FRMD4A: variants seen among roughly 807,000 people sequenced by gnomAD.
FRMD4A encodes FERM domain-containing protein 4A.
Under a neutral mutation model 129.1 loss-of-function variants are expected in FRMD4A, and 29 were observed. That is an observed-to-expected ratio of 0.22 (90% CI 0.17 to 0.31). The LOEUF (loss-of-function observed/expected upper bound fraction) is 0.31. Ranked by LOEUF, FRMD4A falls within the 10% of genes least tolerant of loss-of-function variation. The pLI is 1.00. For synonymous variants in FRMD4A, 634 were observed against 571.6 expected (o/e 1.11, Z -1.56); for missense variants, 1,272 against 1,375.8 (o/e 0.92, Z 1.19).
At chr10:14,314,841 C>G (rs999104539) in intron 2 of FRMD4A, among the ~76,000 whole-genome samples, 42 of 152,088 alleles carry the variant, frequency 2.8e-4, no homozygotes, top group Non-Finnish European at 8.8e-5. Flanking sequence ...ACTCATTCAC[C>G]TCCTATCTCC....
chr10:14,117,833 T>A (rs1424434653), intron 2 of FRMD4A, among the ~76,000 whole-genome samples: 1 of 152,124 alleles, frequency 6.6e-6, no homozygotes, highest in African/African-American at 2.4e-5. Flanking sequence ...TCCTTGTGAG[T>A]GTAGGTCCTC....
At chr10:14,138,745 C>G (rs1381552600) in intron 2 of FRMD4A, among the ~76,000 whole-genome samples, 2 of 151,154 alleles carry the variant, frequency 1.3e-5, no homozygotes, top group Non-Finnish European at 2.9e-5. Context: ...GGGCGACAGA[C>G]AGACTCCATC....
intron 12 of FRMD4A, chr10:13,710,271 C>T (rs944887279): frequency 6.6e-5 from 10 of 152,286 alleles, no homozygotes; most frequent in African/African-American, 2.4e-4. Context: ...GATGAAGAAC[C>T]CCAGAGCAGA....
intron 2 of FRMD4A, among the ~76,000 whole-genome samples, chr10:14,190,249 A>G (rs1162740574): frequency 6.6e-6 from 1 of 152,212 alleles, no homozygotes; most frequent in Non-Finnish European, 1.5e-5. Flanking sequence ...TTCACAGCAA[A>G]TGACCACCCC....
At chr10:13,914,707 A>C (rs1054804355) in intron 2 of FRMD4A, among the ~76,000 whole-genome samples, 2 of 152,218 alleles carry the variant, frequency 1.3e-5, no homozygotes, top group Non-Finnish European at 2.9e-5. Flanking sequence ...CAGCATTAAA[A>C]AAACAAAACC....
At chr10:13,679,884 A>G (rs974938967) in intron 15 of FRMD4A, among the ~76,000 whole-genome samples, 1 of 152,070 alleles carries the variant, frequency 6.6e-6, no homozygotes, top group Non-Finnish European at 1.5e-5. Flanking sequence ...CACACCAGCA[A>G]CATTCCACAG....
chr10:14,084,820 G>C (rs1015445221), intron 2 of FRMD4A, among the ~76,000 whole-genome samples: 1 of 152,120 alleles, frequency 6.6e-6, no homozygotes, highest in African/African-American at 2.4e-5. Context: ...ACCCTGCCTC[G>C]ACTGCTCCTT....
intron 2 of FRMD4A, among the ~76,000 whole-genome samples, chr10:14,053,042 C>A (rs1160691305): frequency 6.6e-6 from 1 of 152,158 alleles, no homozygotes; most frequent in East Asian, 1.9e-4. Flanking sequence ...TTGAAGGGAA[C>A]AAACATCCAA....
intron 2 of FRMD4A, among the ~76,000 whole-genome samples, chr10:13,961,877 T>C (rs1270742709): frequency 1.3e-5 from 2 of 152,198 alleles, no homozygotes; most frequent in African/African-American, 4.8e-5. Flanking sequence ...GCTCAATGTC[T>C]AGCACATAGA....
At chr10:13,748,176 C>A (rs1423533640) in intron 8 of FRMD4A, among the ~76,000 whole-genome samples, 1 of 152,080 alleles carries the variant, frequency 6.6e-6, no homozygotes, top group Non-Finnish European at 1.5e-5. Flanking sequence ...TCCCCCAGGG[C>A]AGGATCTTAG....
At chr10:14,160,058 AT>A (rs1840803865) in intron 2 of FRMD4A, among the ~76,000 whole-genome samples, 4 of 152,230 alleles carry the variant, frequency 2.6e-5, no homozygotes, top group Admixed American at 6.5e-5. Flanking sequence ...TCCAAAAAAA[AT>A]ATGTACCAAA....
At chr10:14,021,395 AAT>A (rs1436704281) in intron 2 of FRMD4A, among the ~76,000 whole-genome samples, 10 of 151,140 alleles carry the variant, frequency 6.6e-5, no homozygotes, top group African/African-American at 2.2e-4. Flanking sequence ...AAAAAAAAAA[AAT>A]AATAAAAAAA....
intron 2 of FRMD4A, among the ~76,000 whole-genome samples, chr10:13,864,577 C>CTTTT (rs60899227): frequency 8.8e-5 from 12 of 136,984 alleles, no homozygotes; most frequent in Non-Finnish European, 1.4e-4. Context: ...TTCTTTCTTT[C>CTTTT]TTTTTTTTTT....
At chr10:14,238,544 C>G (rs1843915344) in intron 2 of FRMD4A, among the ~76,000 whole-genome samples, 1 of 151,946 alleles carries the variant, frequency 6.6e-6, no homozygotes, top group Admixed American at 6.6e-5. Context: ...ACTTTAAGTT[C>G]TGGGATACAT....
At chr10:13,739,777 C>A (rs1013152798) in intron 11 of FRMD4A, among the ~76,000 whole-genome samples, 3 of 152,188 alleles carry the variant, frequency 2.0e-5, no homozygotes, top group East Asian at 1.9e-4. Context: ...TCCTCCACAA[C>A]CTCCATTCCC....
intron 2 of FRMD4A, among the ~76,000 whole-genome samples, chr10:14,187,921 C>T (rs1156453657): frequency 2.6e-5 from 4 of 152,204 alleles, no homozygotes; most frequent in South Asian, 4.1e-4. Flanking sequence ...CCAGTTTTCC[C>T]GGGAGATGAC....
chr10:14,177,207 G>C (rs575433408), intron 2 of FRMD4A, among the ~76,000 whole-genome samples: 1 of 151,478 alleles, frequency 6.6e-6, no homozygotes, highest in African/African-American at 2.4e-5. Context: ...TTTTGTTTTT[G>C]TTTTTTTTGA....
rs151095695 is a variant in FRMD4A, at chr10:13,733,920, A to G, written c.759+3924T>C. Among the ~76,000 whole-genome samples, 7 of 152,252 alleles carry G rather than the reference A, an allele frequency of 4.6e-5. No individual in the cohort carries two copies. The East Asian group carries it at 1.4e-3, about 29-fold the overall frequency. ...CCAATCCAACCTCCTCCCTCTGTCCAGTCTCTGGTTCAGTGATGCTTTGGA... is the reference window on the plus strand; with the variant it reads ...CCAATCCAACCTCCTCCCTCTGTCCGGTCTCTGGTTCAGTGATGCTTTGGA... On this transcript the variant is annotated intron_variant, in intron 12 of 24. Transcript: ENST00000357447.
intron 2 of FRMD4A, among the ~76,000 whole-genome samples, chr10:13,946,945 G>A (rs2095336402): frequency 6.6e-6 from 1 of 152,174 alleles, no homozygotes; most frequent in Non-Finnish European, 1.5e-5. Flanking sequence ...AATGATTATA[G>A]ACAAGAGGAG....
Sources: allele counts gnomAD v4.1 joint callset (sites outside exome capture counted in the v4.1 genomes callset), GRCh38; gene constraint gnomAD v4.1.1; transcripts MANE v1.5; gene names NCBI Gene and HGNC (gene_info 2026-07-23, HGNC 2026-07-21).